ATP2A2: variants seen among roughly 807,000 people sequenced by gnomAD.
The protein encoded by ATP2A2 is ATPase sarcoplasmic/endoplasmic reticulum Ca2+ transporting 2.
ATP2A2 carries 14 observed loss-of-function variants against 109.3 expected under a neutral mutation model. That is an observed-to-expected ratio of 0.13 (90% CI 0.08 to 0.20). The LOEUF (loss-of-function observed/expected upper bound fraction) is 0.20. Among genes scored for constraint, ATP2A2 ranks in the 10% least tolerant of loss-of-function variants. The probability of loss-of-function intolerance (pLI) is 1.00; values close to 1 mark genes in which losing one functional copy is unlikely to be tolerated. For synonymous variants in ATP2A2, 506 were observed against 490.9 expected (o/e 1.03, Z -0.41); for missense variants, 657 against 1,321.6 (o/e 0.50, Z 7.80).
intron 6 of ATP2A2, among the ~76,000 whole-genome samples, chr12:110,325,257 G>C (rs1474012882): frequency 6.6e-6 from 1 of 152,064 alleles, no homozygotes; most frequent in African/African-American, 2.4e-5. Context: ...TGAGAGTGAA[G>C]TTTGCTACCT....
Position 110,346,491 on chromosome 12 carries a change from A to G in ATP2A2, c.*21A>G, listed in dbSNP as rs776112657. ...CTTGACTGACAGTTTTCCATAAAGA[A>G]GATGTTTAACTTAATCAATTAATTT... On this transcript the variant is annotated 3_prime_UTR_variant, in exon 20 of 20. Transcript: ENST00000539276. The G allele has an allele frequency of 6.2e-7, 1 of 1,614,100 alleles. No individual in the cohort carries two copies. The highest frequency in any genetic ancestry group is 8.5e-7 in the Non-Finnish European group (1 of 1,180,012).
intron 8 of ATP2A2, chr12:110,329,810 T>TA (rs1384558354): frequency 5.3e-5 from 8 of 152,268 alleles, no homozygotes; most frequent in African/African-American, 1.9e-4. Context: ...ATGCAATAAT[T>TA]ATACAGCTGG....
chr12:110,317,969 G>A (rs953499814), intron 5 of ATP2A2, among the ~76,000 whole-genome samples: 9 of 152,188 alleles, frequency 5.9e-5, no homozygotes, highest in African/African-American at 1.4e-4. Flanking sequence ...TATTGTACCT[G>A]CCTCCACCCA....
In ATP2A2 at chr12:110,340,714, T is replaced by C; in HGVS notation, c.1817T>C (p.Val606Ala). The C allele has an allele frequency of 6.2e-7, 1 of 1,613,974 alleles. No individual in the cohort carries two copies. Among genetic ancestry groups the C allele is most frequent in the South Asian group, 1.1e-5 (1 of 91,058 alleles). ...VGMLDPPRIE[V>A]ASSVKLCRQA... ...ATGCTGGATCCTCCGAGAATCGAGG[T>C]GGCCTCCTCCGTGAAGCTGTGCCGG... The change falls in exon 14 of 20, where the codon GTG becomes GCG. Residue 606 changes from valine to alanine, a missense_variant. Around this residue, in one of 9 missense-constraint regions of ATP2A2, gnomAD observed 180 missense variants for 329.1 expected, o/e 0.55. Coordinates refer to ENST00000539276, the MANE Select transcript of ATP2A2 (RefSeq NM_170665.4). The surrounding 1 kb of genome is among the most constrained non-coding windows in gnomAD (Gnocchi z 6.0).
chr12:110,281,788 C>A lies in ATP2A2; in HGVS notation c.-2C>A. 6.6e-7 allele frequency: 1 copy of A among 1,510,638 alleles called. No individual in the cohort carries two copies. Among genetic ancestry groups the A allele is most frequent in the Non-Finnish European group, 8.9e-7 (1 of 1,127,414 alleles). 93.6% of individuals were successfully genotyped at this position (1,510,638 alleles called of 1,614,324 possible). A position where few individuals can be genotyped will look rare whatever the true frequency, so the allele number is the denominator to read the frequency against. On this transcript the variant is annotated 5_prime_UTR_variant, in exon 1 of 20. Coordinates refer to ENST00000539276, the MANE Select transcript of ATP2A2 (RefSeq NM_170665.4). The stretch of plus-strand genomic sequence containing the variant: ...GGCGAGGCCGGCCGGGCCCCCGAAG[C>A]CATGGAGAACGCGCACACCAAGACG...
At position 110,305,856 on chromosome 12, in the gene ATP2A2, A is replaced by T. The variant is rs180804221; in HGVS notation, c.463+9119A>T. 6.8e-3 allele frequency among the ~76,000 whole-genome samples: 1,020 copies of T among 149,662 alleles called. 1 individual carries two copies. Among genetic ancestry groups the T allele is most frequent in the Non-Finnish European group, 9.4e-3 (638 of 67,670 alleles). ...GTAATATCAAGTCTTTGGATCCATG[A>T]GCATAGGGATGTCTGTTTTTTTTTT... On this transcript the variant is annotated intron_variant, in intron 5 of 19. Transcript: ENST00000539276.
chr12:110,298,501 T>G (rs1232453047), intron 5 of ATP2A2, among the ~76,000 whole-genome samples: 1 of 152,134 alleles, frequency 6.6e-6, no homozygotes, highest in Non-Finnish European at 1.5e-5. Flanking sequence ...GGGCAGATCA[T>G]GAGGTCAAGA....
At position 110,349,902 on chromosome 12, in the gene ATP2A2, G is replaced by A. The variant is rs1880242527; in HGVS notation, c.*3432G>A. ...AGAAGCCGGGTGCCCACAGGGCAGG[G>A]ACAGGAAGGCTGTGCTGCTACTGGC... On this transcript the variant is annotated 3_prime_UTR_variant, in exon 20 of 20. Coordinates refer to ENST00000539276, the MANE Select transcript of ATP2A2 (RefSeq NM_170665.4). The A allele has an allele frequency of 9.1e-7, 1 of 1,103,038 alleles. No individual in the cohort carries two copies. Among genetic ancestry groups the A allele is most frequent in the Non-Finnish European group, 1.1e-6 (1 of 901,420 alleles). 68.3% of individuals were successfully genotyped at this position (1,103,038 alleles called of 1,614,324 possible). A position where few individuals can be genotyped will look rare whatever the true frequency, so the allele number is the denominator to read the frequency against.
rs1488691516 is a variant in ATP2A2 at position 110,346,942 on chromosome 12, G to A, written c.*472G>A. The A allele has an allele frequency of 2.7e-6, 3 of 1,094,414 alleles. No individual in the cohort carries two copies. The highest frequency in any genetic ancestry group is 5.0e-5 in the Admixed American group (1 of 20,182). 67.8% of individuals were successfully genotyped at this position (1,094,414 alleles called of 1,614,324 possible). Reference sequence around the variant, plus strand: ...TTTTTATTCATAAGCCAATTTTTCTGCACTGAGCAGAGTCTTGCTACCTCA... The same window carrying A: ...TTTTTATTCATAAGCCAATTTTTCTACACTGAGCAGAGTCTTGCTACCTCA... On this transcript the variant is annotated 3_prime_UTR_variant, in exon 20 of 20. Transcript: ENST00000539276.
intron 14 of ATP2A2, among the ~76,000 whole-genome samples, chr12:110,341,585 A>T (rs1185559561): frequency 2.0e-5 from 3 of 152,134 alleles, no homozygotes; most frequent in Non-Finnish European, 2.9e-5. Context: ...TTGAAGGCAT[A>T]TTTTTTGGCC....
chr12:110,282,949 C>T (rs1872299259), intron 3 of ATP2A2, among the ~76,000 whole-genome samples, 154 bp downstream of exon 3: 1 of 152,238 alleles, frequency 6.6e-6, no homozygotes, highest in East Asian at 1.9e-4. Flanking sequence ...TTTAAAATTA[C>T]AAAACAAAAC....
In ATP2A2 at chr12:110,350,716, C is replaced by T. The variant is rs1406875333; in HGVS notation, c.*4246C>T. On this transcript the variant is annotated 3_prime_UTR_variant, in exon 20 of 20. Transcript: ENST00000539276. ...GGTTGTAAGTAGCCAGATCCCTCTC[C>T]AGTGACATTGGAACATGCTACTTTT... The T allele has an allele frequency of 4.0e-6, 1 of 249,336 alleles. No individual in the cohort carries two copies. The highest frequency in any genetic ancestry group is 7.8e-6 in the Non-Finnish European group (1 of 127,642). 15.4% of individuals were successfully genotyped at this position (249,336 alleles called of 1,614,324 possible). A position where few individuals can be genotyped will look rare whatever the true frequency, so the allele number is the denominator to read the frequency against.
At chr12:110,320,788 A>T (rs1377235427) in intron 5 of ATP2A2, among the ~76,000 whole-genome samples, 1 of 152,218 alleles carries the variant, frequency 6.6e-6, no homozygotes, top group East Asian at 1.9e-4. Flanking sequence ...GAGATTATAT[A>T]TTGACAAACT....
intron 3 of ATP2A2, among the ~76,000 whole-genome samples, chr12:110,289,211 A>G (rs1442916447): frequency 6.6e-6 from 1 of 152,216 alleles, no homozygotes; most frequent in Non-Finnish European, 1.5e-5. Context: ...CTTATCTTAC[A>G]GTTGCTAATG....
chr12:110,320,088 A>G (rs1249169239), intron 5 of ATP2A2, among the ~76,000 whole-genome samples: 2 of 152,182 alleles, frequency 1.3e-5, no homozygotes, highest in Admixed American at 1.3e-4. Context: ...TAACCTTGGT[A>G]TTTCTTACCT....
At chr12:110,282,322 G>T (rs1872207871) in intron 1 of ATP2A2, among the ~76,000 whole-genome samples, 1 of 152,100 alleles carries the variant, frequency 6.6e-6, no homozygotes, top group African/African-American at 2.4e-5. Context: ...TGATGACATC[G>T]CTGAAACCAC....
intron 16 of ATP2A2, 36 bp downstream of exon 16, chr12:110,343,470 C>G (rs199800250): frequency 4.4e-6 from 7 of 1,607,888 alleles, no homozygotes; most frequent in Non-Finnish European, 5.1e-6. Flanking sequence ...GATTTTTAAA[C>G]AAAATGTTTG....
chr12:110,318,577 G>C (rs1376140791), intron 5 of ATP2A2, among the ~76,000 whole-genome samples: 1 of 152,136 alleles, frequency 6.6e-6, no homozygotes, highest in Admixed American at 6.5e-5. Flanking sequence ...AGGCTCAAGC[G>C]ATAGTCTTGC....
At chr12:110,306,791 G>A (rs962905218) in intron 5 of ATP2A2, among the ~76,000 whole-genome samples, 8 of 152,036 alleles carry the variant, frequency 5.3e-5, no homozygotes, top group Non-Finnish European at 8.8e-5. Context: ...GCAGTGGTGC[G>A]ATTTTGGCTC....
Sources: gnomAD v4.1 joint callset for allele counts (sites outside exome capture counted in the v4.1 genomes callset) on GRCh38, gnomAD v4.1.1 for gene constraint, gnomAD v4.1.1 regional missense constraint, Gnocchi (gnomAD v3.1) non-coding constraint, MANE v1.5 for transcripts, NCBI Gene and HGNC (gene_info 2026-07-23, HGNC 2026-07-21) for gene names.